SMARCC2: variants seen among roughly 807,000 people sequenced by gnomAD.
SMARCC2 encodes SWI/SNF complex subunit SMARCC2.
In SMARCC2, 15 loss-of-function variants were observed where a neutral mutation model predicts 151.3. The observed-to-expected ratio is 0.10, with a 90% CI of 0.07 to 0.15. SMARCC2 has a LOEUF of 0.15. Ranked by LOEUF, SMARCC2 falls within the 10% of genes least tolerant of loss-of-function variation. SMARCC2 has a pLI of 1.00. For synonymous variants in SMARCC2, 590 were observed against 609.5 expected, an observed-to-expected ratio of 0.97 and a Z score of 0.47; for missense variants, 1,031 against 1,599.7, an observed-to-expected ratio of 0.64 and a Z score of 6.06.
At chr12:56,181,150 A>G in intron 10 of SMARCC2, 49 bp from the exon 11 acceptor site, 1 of 1,573,894 alleles carries the variant, frequency 6.4e-7, no homozygotes, top group Non-Finnish European at 8.6e-7. Context: ...TTGGACAAGG[A>G]GTCCCTGGAA....
chr12:56,168,885 T>G (rs1235852195), intron 25 of SMARCC2, among the ~76,000 whole-genome samples: 2 of 150,274 alleles, frequency 1.3e-5, no homozygotes, highest in Non-Finnish European at 3.0e-5. Flanking sequence ...GAGGCTGAGG[T>G]GGGAGAATCG....
rs759896771 is a variant in SMARCC2, at chr12:56,181,687, A to G, written c.840+17T>C. On this transcript the variant is annotated intron_variant, in intron 9 of 28. Coordinates refer to ENST00000550164, the MANE Select transcript of SMARCC2 (RefSeq NM_001330288.2). ...TTATGCTAAGGGCGCCAGGAAAAAAAGAACAGGATTTGTCACCTCATCTGT... is the reference window on the plus strand; with the variant it reads ...TTATGCTAAGGGCGCCAGGAAAAAAGGAACAGGATTTGTCACCTCATCTGT... 5.6e-6 allele frequency: 9 copies of G among 1,614,106 alleles called. No individual in the cohort carries two copies. The highest frequency in any genetic ancestry group is 7.6e-6 in the Non-Finnish European group (9 of 1,180,046).
intron 1 of SMARCC2, 103 bp from the exon 2 acceptor site, chr12:56,187,409 A>G: frequency 9.1e-7 from 1 of 1,098,188 alleles, no homozygotes; most frequent in East Asian, 2.5e-5. Context: ...TGGAGCAAAG[A>G]AAATAGTGCC....
chr12:56,180,905 A>T, intron 11 of SMARCC2, 72 bp downstream of exon 11: 1 of 1,507,734 alleles, frequency 6.6e-7, no homozygotes, highest in East Asian at 2.3e-5. Flanking sequence ...AAATCAGCTC[A>T]CTTGGGGTTT....
intron 8 of SMARCC2, 58 bp from the exon 9 acceptor site, chr12:56,181,893 G>A: frequency 1.9e-6 from 3 of 1,611,060 alleles, no homozygotes; most frequent in Admixed American, 1.7e-5. Flanking sequence ...GCTCTGTCTG[G>A]GGACCCTTAA....
chr12:56,173,690 C>A lies in SMARCC2; in HGVS notation c.1650+6G>T. ...CCCGCCCCATCCCCATAGCACCTCA[C>A]CCTACCTGAGGTGTCTTGGGCTGCA... On this transcript the variant is annotated splice_donor_region_variant and intron_variant, in intron 17 of 28. Coordinates refer to ENST00000550164, the MANE Select transcript of SMARCC2 (RefSeq NM_001330288.2). 1 of 1,607,340 alleles carries A rather than the reference C, an allele frequency of 6.2e-7. No individual in the cohort carries two copies. Among genetic ancestry groups the A allele is most frequent in the Non-Finnish European group, 8.5e-7 (1 of 1,175,508 alleles).
chr12:56,174,818 G>C, intron 15 of SMARCC2, 54 bp from the exon 16 acceptor site: 1 of 1,179,298 alleles, frequency 8.5e-7, no homozygotes, highest in Non-Finnish European at 1.3e-6. Flanking sequence ...GTTTGTTAAA[G>C]GGCTAAAGGA....
chr12:56,188,519 G>A lies in SMARCC2; in HGVS notation c.111+832C>T, dbSNP rs76204194. Among the ~76,000 whole-genome samples the A allele has an allele frequency of 7.0e-3, 1,059 of 152,252 alleles. 19 individuals carry two copies. The highest frequency in any genetic ancestry group is 0.024 in the African/African-American group (1,010 of 41,538). On this transcript the variant is annotated intron_variant, in intron 1 of 28. Coordinates refer to ENST00000550164, the MANE Select transcript of SMARCC2 (RefSeq NM_001330288.2). The stretch of plus-strand genomic sequence containing the variant: ...AGAGAAAACCAGGCCTAGAGACAAA[G>A]ACGACACCAGGAAGAGGTTTGGTAG...
intron 11 of SMARCC2, 53 bp from the exon 12 acceptor site, chr12:56,179,109 T>C: frequency 2.0e-6 from 3 of 1,492,700 alleles, no homozygotes; most frequent in Non-Finnish European, 9.3e-7. Context: ...ATTCAAGCCT[T>C]CAATTTAATA....
Position 56,172,504 on chromosome 12 carries a change from A to C in SMARCC2, c.1864-14T>G. The C allele has an allele frequency of 3.7e-6, 6 of 1,606,448 alleles. No individual in the cohort carries two copies. The highest frequency in any genetic ancestry group is 5.1e-6 in the Non-Finnish European group (6 of 1,174,956). ...TGCAGCCTTGCTCTGCAGGGGAAAC[A>C]CAGGCAGGTGAGAAGAAAGGAGCCT... On this transcript the variant is annotated splice_polypyrimidine_tract_variant and intron_variant, in intron 19 of 28. Transcript: ENST00000550164.
chr12:56,181,247 A>G, intron 10 of SMARCC2, 146 bp from the exon 11 acceptor site: 1 of 781,472 alleles, frequency 1.3e-6, no homozygotes, highest in Non-Finnish European at 2.0e-6. Flanking sequence ...CAGTAATGGG[A>G]AGTGGCAAAG....
intron 22 of SMARCC2, among the ~76,000 whole-genome samples, chr12:56,170,428 GTTT>G (rs1183281153): frequency 6.6e-6 from 1 of 150,698 alleles, no homozygotes; most frequent in Non-Finnish European, 1.5e-5. Context: ...GTTTTTTTTT[GTTT>G]TTTGTTTTTT....
chr12:56,172,003 C>T (rs1249522155), intron 20 of SMARCC2, 66 bp from the exon 21 acceptor site: 1 of 1,482,958 alleles, frequency 6.7e-7, no homozygotes, highest in Admixed American at 2.0e-5. Flanking sequence ...TGACTCCCCC[C>T]ATCCTACTAA....
intron 7 of SMARCC2, among the ~76,000 whole-genome samples, chr12:56,182,347 C>T (rs1163383937): frequency 6.7e-6 from 1 of 148,628 alleles, no homozygotes; most frequent in Non-Finnish European, 1.5e-5. Context: ...GATACAGAGT[C>T]TTGCTCTTGC....
chr12:56,168,421 C>T (rs1294953178), intron 25 of SMARCC2, among the ~76,000 whole-genome samples: 5 of 151,028 alleles, frequency 3.3e-5, no homozygotes, highest in Admixed American at 6.6e-5. Flanking sequence ...GTTGCCCAGG[C>T]TGGAGTACAG....
chr12:56,166,019 G>C lies in SMARCC2; in HGVS notation c.2851-320C>G, dbSNP rs116378618. ...CTTCCAGTTCCTTTTGTCAATTCAAGTTCTTTTCTTACTTCAAAATTCACT... is the reference window on the plus strand; with the variant it reads ...CTTCCAGTTCCTTTTGTCAATTCAACTTCTTTTCTTACTTCAAAATTCACT... On this transcript the variant is annotated intron_variant, in intron 26 of 28. Transcript: ENST00000550164. Among the ~76,000 whole-genome samples, 513 of 152,284 alleles carry C rather than the reference G, an allele frequency of 3.4e-3. 5 individuals are homozygous for C. The highest frequency in any genetic ancestry group is 0.012 in the African/African-American group (495 of 41,562).
At chr12:56,180,387 G>A (rs1235553824) in intron 11 of SMARCC2, among the ~76,000 whole-genome samples, 1 of 140,918 alleles carries the variant, frequency 7.1e-6, no homozygotes, top group Non-Finnish European at 1.5e-5. Context: ...GGGATTACAG[G>A]CATGAGCCAC....
In SMARCC2 at chr12:56,163,567, G is replaced by A; in HGVS notation, c.*122C>T. The A allele has an allele frequency of 1.9e-6, 1 of 519,842 alleles. No individual in the cohort carries two copies. The highest frequency in any genetic ancestry group is 3.4e-6 in the Non-Finnish European group (1 of 298,054). 32.2% of individuals were successfully genotyped at this position (519,842 alleles called of 1,614,324 possible). A position where few individuals can be genotyped will look rare whatever the true frequency, so the allele number is the denominator to read the frequency against. On this transcript the variant is annotated 3_prime_UTR_variant, in exon 29 of 29. Coordinates refer to ENST00000550164, the MANE Select transcript of SMARCC2 (RefSeq NM_001330288.2). ...GGTGAGGGCTTTGGAGGGGCGGAAG[G>A]AGCTTTCCTTACGTAGTGATGAACT...
chr12:56,164,820 C>T, intron 27 of SMARCC2, 89 bp from the exon 28 acceptor site: 3 of 1,115,966 alleles, frequency 2.7e-6, no homozygotes, highest in Non-Finnish European at 3.8e-6. Flanking sequence ...GACGGAGTCT[C>T]ACTCTGTCAC....
Sources: allele counts gnomAD v4.1 joint callset (sites outside exome capture counted in the v4.1 genomes callset), GRCh38; gene constraint gnomAD v4.1.1; transcripts MANE v1.5; gene names NCBI Gene and HGNC (gene_info 2026-07-23, HGNC 2026-07-21).